TNFRSF19: variants seen among roughly 807,000 people sequenced by gnomAD.
TNFRSF19 encodes the protein tumor necrosis factor receptor superfamily member 19.
In TNFRSF19, 27 loss-of-function variants were observed where a neutral mutation model predicts 46.4. The ratio of observed to expected loss-of-function variants is 0.58; its 90% CI spans 0.43 to 0.80. The LOEUF (loss-of-function observed/expected upper bound fraction) is 0.80, where lower values mean the gene tolerates loss of function less well. Ranked by LOEUF, TNFRSF19 falls within the 30% of genes least tolerant of loss-of-function variation. The probability of loss-of-function intolerance (pLI) is 0.00; values close to 1 mark genes in which losing one functional copy is unlikely to be tolerated. For synonymous variants in TNFRSF19, 204 were observed against 205.0 expected (o/e 1.00, Z 0.04); for missense variants, 511 against 530.8 (o/e 0.96, Z 0.37).
At chr13:23,606,638 A>T (rs1880532120) in intron 3 of TNFRSF19, among the ~76,000 whole-genome samples, 1 of 152,252 alleles carries the variant, frequency 6.6e-6, no homozygotes, top group South Asian at 2.1e-4. Context: ...TAATATAAAA[A>T]TGAATGAATT....
At chr13:23,655,061 G>C (rs1042839162) in intron 5 of TNFRSF19, among the ~76,000 whole-genome samples, 1 of 152,182 alleles carries the variant, frequency 6.6e-6, no homozygotes, top group Non-Finnish European at 1.5e-5. Context: ...GATGCAATGT[G>C]GGGAGAGGAT....
chr13:23,621,764 C>T lies in TNFRSF19; in HGVS notation c.360-4943C>T, dbSNP rs543246187. Among the ~76,000 whole-genome samples, 17 of 137,718 alleles carry T rather than the reference C, an allele frequency of 1.2e-4. No homozygotes were observed. In the South Asian group the frequency reaches 3.7e-3, roughly 30 times the overall value. 90.3% of individuals were successfully genotyped at this position (137,718 alleles called of 152,430 possible). Reference sequence around the variant, plus strand: ...TGTGACATCAGCCTGGGCAACATGGCGAAACCCTATCTCTAAAAAAAAAAA... The same window carrying T: ...TGTGACATCAGCCTGGGCAACATGGTGAAACCCTATCTCTAAAAAAAAAAA... On this transcript the variant is annotated intron_variant, in intron 4 of 9. Transcript: ENST00000248484.
chr13:23,619,608 A>C (rs144150474), intron 4 of TNFRSF19, among the ~76,000 whole-genome samples: 1 of 152,172 alleles, frequency 6.6e-6, no homozygotes, highest in African/African-American at 2.4e-5. Flanking sequence ...GATGATATCT[A>C]TGGATAGCAT....
chr13:23,661,338 C>T (rs1220768691), intron 7 of TNFRSF19, among the ~76,000 whole-genome samples: 1 of 152,204 alleles, frequency 6.6e-6, no homozygotes, highest in East Asian at 1.9e-4. Flanking sequence ...TAATGGCCTC[C>T]AGCTCCATCC....
intron 2 of TNFRSF19, among the ~76,000 whole-genome samples, chr13:23,591,619 G>A (rs916209861): frequency 1.4e-4 from 21 of 152,074 alleles, no homozygotes; most frequent in African/African-American, 4.8e-4. Flanking sequence ...TCTCTCTGTG[G>A]TGGAAGGGAA....
chr13:23,581,725 A>G (rs1348059274), intron 1 of TNFRSF19, among the ~76,000 whole-genome samples: 1 of 152,154 alleles, frequency 6.6e-6, no homozygotes, highest in Non-Finnish European at 1.5e-5. Context: ...ACATTCATAA[A>G]AAGAATTTGA....
At position 23,668,716 on chromosome 13, in the gene TNFRSF19, G is replaced by T. The variant is rs776245597; in HGVS notation, c.864G>T (p.Met288Ile). The change falls in exon 9 of 10, where the codon ATG becomes ATT. Residue 288 changes from methionine to isoleucine, a missense_variant. Physicochemically the swap from Met to Ile is conservative, Grantham distance 10. This residue lies in a region of TNFRSF19 where 376 missense variants were observed against 372.7 expected (regional missense o/e 1.01). Coordinates refer to ENST00000248484, the MANE Select transcript of TNFRSF19 (RefSeq NM_148957.4). ...GAAACGCAGGCCCAGCCGGGGAGAT[G>T]GTGCCGACTTTCTTCGGATCCCTCA... Reference protein sequence around the residue: ...QARNAGPAGEMVPTFFGSLTQ... With the variant: ...QARNAGPAGEIVPTFFGSLTQ... 3.1e-6 allele frequency: 5 copies of T among 1,613,884 alleles called. No homozygotes were observed. The highest frequency in any genetic ancestry group is 4.2e-6 in the Non-Finnish European group (5 of 1,179,848).
intron 5 of TNFRSF19, among the ~76,000 whole-genome samples, chr13:23,658,559 A>C (rs1439776466): frequency 6.6e-6 from 1 of 152,184 alleles, no homozygotes; most frequent in Non-Finnish European, 1.5e-5. Context: ...TGTCTCAAAA[A>C]CTGGGGTCTA....
chr13:23,647,276 T>A (rs1883388746), intron 5 of TNFRSF19, among the ~76,000 whole-genome samples: 1 of 152,248 alleles, frequency 6.6e-6, no homozygotes, highest in African/African-American at 2.4e-5. Context: ...CAAAAGTTTT[T>A]AATTTTTATA....
chr13:23,585,429 C>G (rs1878753926), intron 1 of TNFRSF19: 1 of 152,286 alleles, frequency 6.6e-6, no homozygotes, highest in East Asian at 1.9e-4. Flanking sequence ...AATTTTCTTT[C>G]TAATTATCAC....
intron 3 of TNFRSF19, among the ~76,000 whole-genome samples, chr13:23,603,537 T>A (rs1488575570): frequency 6.6e-6 from 1 of 151,878 alleles, no homozygotes; most frequent in African/African-American, 2.4e-5. Context: ...GACCAATATC[T>A]CTCATGAACA....
intron 5 of TNFRSF19, among the ~76,000 whole-genome samples, chr13:23,633,625 G>A (rs1252898832): frequency 6.6e-6 from 1 of 152,186 alleles, no homozygotes; most frequent in African/African-American, 2.4e-5. Flanking sequence ...AAGGTGGGTG[G>A]ATCACCTGAG....
At position 23,665,784 on chromosome 13, in the gene TNFRSF19, G is replaced by T. The variant is rs148675306; in HGVS notation, c.737-2196G>T. Among the ~76,000 whole-genome samples the T allele has an allele frequency of 2.6e-5, 4 of 152,228 alleles. No homozygotes were observed. In the East Asian group the frequency reaches 7.7e-4, roughly 29 times the overall value. ...AAAACAGGAAATTCGTGTTAATTCA[G>T]TGCCATTATATAATCTACAGAGCGT... is the stretch of plus-strand genomic sequence containing the variant. On this transcript the variant is annotated intron_variant, in intron 7 of 9. Transcript: ENST00000248484.
intron 1 of TNFRSF19, among the ~76,000 whole-genome samples, chr13:23,581,666 A>G (rs1878444865): frequency 6.6e-6 from 1 of 152,190 alleles, no homozygotes; most frequent in Non-Finnish European, 1.5e-5. Flanking sequence ...TGTTACATGA[A>G]TTTAGGGCAT....
rs1429507184 is a variant in TNFRSF19 at position 23,668,849 on chromosome 13, G to A, written c.997G>A (p.Asp333Asn). The change falls in exon 9 of 10, where the codon GAC (aspartate) becomes AAC (asparagine). Residue 333 changes from aspartate to asparagine, a missense_variant. Around this residue, in one of 3 missense-constraint regions of TNFRSF19, gnomAD observed 376 missense variants for 372.7 expected, o/e 1.01. Transcript: ENST00000248484. ...CDSYPELTGE[D>N]IHSLNPELES... ...CTCTTATCCTGAACTCACTGGAGAA[G>A]ACATTCATTCTCTCAATCCAGAACT... 1 of 1,614,276 alleles carries A rather than the reference G, an allele frequency of 6.2e-7. No individual in the cohort carries two copies. Among genetic ancestry groups the A allele is most frequent in the East Asian group, 2.2e-5 (1 of 44,890 alleles).
At chr13:23,668,558 T>A (rs960591369) in intron 8 of TNFRSF19, 134 bp from the exon 9 acceptor site, 2 of 1,063,496 alleles carry the variant, frequency 1.9e-6, no homozygotes, top group African/African-American at 3.2e-5. Flanking sequence ...TTTATAACAA[T>A]AGGAAACACT....
chr13:23,668,243 G>A (rs1951683321), intron 8 of TNFRSF19, among the ~76,000 whole-genome samples, 161 bp downstream of exon 8: 1 of 152,154 alleles, frequency 6.6e-6, no homozygotes, highest in South Asian at 2.1e-4. Flanking sequence ...GAATTAGGTA[G>A]CTCTCTCAAG....
chr13:23,629,550 C>G (rs1882223071), intron 5 of TNFRSF19, among the ~76,000 whole-genome samples: 1 of 152,156 alleles, frequency 6.6e-6, no homozygotes, highest in Non-Finnish European at 1.5e-5. Flanking sequence ...GGAGTGGTAC[C>G]TGCCTGCTAA....
chr13:23,641,972 G>A (rs538884054), intron 5 of TNFRSF19, among the ~76,000 whole-genome samples: 6 of 152,296 alleles, frequency 3.9e-5, no homozygotes, highest in African/African-American at 1.4e-4. Context: ...TATTTTATTA[G>A]AATGTTGAAT....
Sources: allele counts gnomAD v4.1 joint callset (sites outside exome capture counted in the v4.1 genomes callset), GRCh38; gene constraint gnomAD v4.1.1; regional missense constraint gnomAD v4.1.1; transcripts MANE v1.5; gene names NCBI Gene and HGNC (gene_info 2026-07-23, HGNC 2026-07-21).